Variants in VTA1 observed in about 807,000 individuals in gnomAD.
VTA1 encodes vacuolar protein sorting-associated protein VTA1 homolog.
A neutral mutation model predicts 36.9 loss-of-function variants in VTA1; 24 were observed. The ratio of observed to expected loss-of-function variants is 0.65; its 90% confidence interval spans 0.47 to 0.91. The LOEUF (loss-of-function observed/expected upper bound fraction) is 0.91. VTA1 is among the 40% of genes least tolerant of loss of function. The pLI is 0.00. For missense variants in VTA1, 393 were observed against 377.2 expected (o/e 1.04, Z -0.35); for synonymous variants, 142 against 130.2 (o/e 1.09, Z -0.62).
intron 3 of VTA1, among the ~76,000 whole-genome samples, chr6:142,169,972 G>A (rs1170989665): frequency 2.0e-5 from 3 of 151,780 alleles, no homozygotes; most frequent in Non-Finnish European, 2.9e-5. Flanking sequence ...TCACAGCCCC[G>A]CCTGATGATT....
At chr6:142,187,843 A>G (rs1335778432) in intron 4 of VTA1, among the ~76,000 whole-genome samples, 2 of 151,956 alleles carry the variant, frequency 1.3e-5, no homozygotes, top group South Asian at 2.1e-4. Flanking sequence ...TCAACTAAGT[A>G]TCTGGACCAC....
At chr6:142,165,307 C>T (rs887891447) in intron 1 of VTA1, among the ~76,000 whole-genome samples, 6 of 152,028 alleles carry the variant, frequency 3.9e-5, no homozygotes, top group South Asian at 2.1e-4. Flanking sequence ...GCAGCGTAAC[C>T]GTAGGTCTCA....
At chr6:142,189,103 T>G (rs1775401831) in intron 4 of VTA1, among the ~76,000 whole-genome samples, 1 of 152,248 alleles carries the variant, frequency 6.6e-6, no homozygotes, top group South Asian at 2.1e-4. Context: ...ATTTCTACTT[T>G]AGCCTATTTC....
At chr6:142,203,932 A>G (rs1273306577) in intron 6 of VTA1, 53 bp from the exon 7 acceptor site, 12 of 1,452,174 alleles carry the variant, frequency 8.3e-6, no homozygotes, top group Non-Finnish European at 1.1e-5. Context: ...GCCCTGCTGT[A>G]TAATTAAAAG....
At chr6:142,166,857 CT>C (rs2114642305) in intron 2 of VTA1, among the ~76,000 whole-genome samples, 1 of 152,218 alleles carries the variant, frequency 6.6e-6, no homozygotes, top group East Asian at 1.9e-4. Flanking sequence ...AACTCCTGAC[CT>C]CAAGTTATAC....
At chr6:142,180,018 C>T (rs1054911207) in intron 4 of VTA1, among the ~76,000 whole-genome samples, 1 of 152,138 alleles carries the variant, frequency 6.6e-6, no homozygotes, top group Non-Finnish European at 1.5e-5. Context: ...AAATATATTA[C>T]ACTAGATGAA....
At chr6:142,154,252 A>G (rs1022303867) in intron 1 of VTA1, among the ~76,000 whole-genome samples, 3 of 152,104 alleles carry the variant, frequency 2.0e-5, no homozygotes, top group African/African-American at 7.2e-5. Flanking sequence ...GAAATCATAT[A>G]TAAGCTTTTG....
At chr6:142,159,009 A>T (rs1442859104) in intron 1 of VTA1, among the ~76,000 whole-genome samples, 3 of 152,124 alleles carry the variant, frequency 2.0e-5, no homozygotes, top group Admixed American at 1.3e-4. Flanking sequence ...AAAAATAAAA[A>T]TTTTTATATT....
chr6:142,214,669 ACC>A (rs1775973315), intron 7 of VTA1, among the ~76,000 whole-genome samples: 1 of 152,146 alleles, frequency 6.6e-6, no homozygotes, highest in Non-Finnish European at 1.5e-5. Flanking sequence ...TCAAGAGTAA[ACC>A]CTAACATAGA....
At position 142,198,119 on chromosome 6, in the gene VTA1, A is replaced by ATGTGTGTGTG. The variant is rs71021658; in HGVS notation, c.521-284_521-275dup. Among the ~76,000 whole-genome samples the ATGTGTGTGTG allele has an allele frequency of 5.1e-3, 501 of 98,216 alleles. 4 individuals carry two copies. The highest frequency in any genetic ancestry group is 0.021 in the East Asian group (83 of 3,876). The allele number at this position is 98,216 out of a possible 152,430, so 64.4% of individuals were successfully genotyped here. On this transcript the variant is annotated intron_variant, in intron 5 of 7. Coordinates refer to ENST00000367630, the MANE Select transcript of VTA1 (RefSeq NM_016485.5). ...CTCAAAAAAAAATATATATATATAT[A>ATGTGTGTGTG]TGTGTGTGTGTGTGTGTGTGTGTGT...
At chr6:142,193,357 A>G (rs113152750) in intron 5 of VTA1, among the ~76,000 whole-genome samples, 5,121 of 152,222 alleles carry the variant, frequency 0.034, 298 homozygotes, top group African/African-American at 0.12. Context: ...GTTATTCCCC[A>G]TTAAAATTAT....
At chr6:142,157,855 T>C (rs1778692342) in intron 1 of VTA1, among the ~76,000 whole-genome samples, 1 of 146,002 alleles carries the variant, frequency 6.8e-6, no homozygotes, top group South Asian at 2.1e-4. Context: ...GATTTTTATG[T>C]TTTTACTATT....
chr6:142,208,033 G>A (rs1482164460), intron 7 of VTA1, among the ~76,000 whole-genome samples: 1 of 144,538 alleles, frequency 6.9e-6, no homozygotes, highest in Non-Finnish European at 1.5e-5. Flanking sequence ...AGTGCAGTGA[G>A]CCGAGATCTC....
At chr6:142,193,073 G>A (rs1775483801) in intron 5 of VTA1, among the ~76,000 whole-genome samples, 1 of 152,042 alleles carries the variant, frequency 6.6e-6, no homozygotes, top group Non-Finnish European at 1.5e-5. Flanking sequence ...CGTTGCATCT[G>A]GGTGCCATAT....
chr6:142,157,525 ATG>A (rs1778684408), intron 1 of VTA1, among the ~76,000 whole-genome samples: 1 of 152,164 alleles, frequency 6.6e-6, no homozygotes, highest in Admixed American at 6.5e-5. Flanking sequence ...TTTTTGAGTA[ATG>A]TCAACTCATT....
chr6:142,176,594 G>T (rs562949288), intron 4 of VTA1, among the ~76,000 whole-genome samples: 7 of 148,576 alleles, frequency 4.7e-5, no homozygotes, highest in South Asian at 2.1e-4. Context: ...TGTGATAAAG[G>T]TTCAGCCTTT....
intron 1 of VTA1, among the ~76,000 whole-genome samples, chr6:142,153,667 C>T (rs1413708199): frequency 6.6e-6 from 1 of 151,940 alleles, no homozygotes; most frequent in Non-Finnish European, 1.5e-5. Context: ...TATCAAATTA[C>T]TTTTGGCCGT....
At chr6:142,203,961 C>G (rs1291617151) in intron 6 of VTA1, 24 bp from the exon 7 acceptor site, 1 of 1,601,466 alleles carries the variant, frequency 6.2e-7, no homozygotes. Flanking sequence ...CTTCTATGCC[C>G]ATTTTTGCTT....
intron 5 of VTA1, among the ~76,000 whole-genome samples, chr6:142,197,073 T>C (rs1365810911): frequency 6.6e-6 from 1 of 152,172 alleles, no homozygotes; most frequent in African/African-American, 2.4e-5. Context: ...AATCAAATGT[T>C]ACCTGGTAAG....
Sources: gnomAD v4.1 joint callset for allele counts (sites outside exome capture counted in the v4.1 genomes callset) on GRCh38, gnomAD v4.1.1 for gene constraint, MANE v1.5 for transcripts, NCBI Gene and HGNC (gene_info 2026-07-23, HGNC 2026-07-21) for gene names.